SLC13A1: variants seen among roughly 807,000 people sequenced by gnomAD.
SLC13A1 encodes the protein Na(+)/sulfate cotransporter.
A neutral mutation model predicts 70.0 loss-of-function variants in SLC13A1; 65 were observed. The ratio of observed to expected loss-of-function variants is 0.93; its 90% confidence interval spans 0.76 to 1.14. The LOEUF (loss-of-function observed/expected upper bound fraction) is 1.14, where lower values mean the gene tolerates loss of function less well. Ranked by LOEUF, SLC13A1 falls within the 50% of genes most tolerant of loss-of-function variation. The pLI, the probability that SLC13A1 is intolerant of heterozygous loss-of-function variation, is 0.00. For synonymous variants in SLC13A1, 275 were observed against 250.5 expected, an observed-to-expected ratio of 1.10 and a Z score of -0.92; for missense variants, 726 against 717.8, an observed-to-expected ratio of 1.01 and a Z score of -0.13.
chr7:123,128,810 A>T, intron 10 of SLC13A1, 35 bp downstream of exon 10: 1 of 1,387,968 alleles, frequency 7.2e-7, no homozygotes, highest in Non-Finnish European at 1.0e-6. Context: ...AGTATAAAAC[A>T]GGAAGGGCTG....
intron 1 of SLC13A1, among the ~76,000 whole-genome samples, chr7:123,197,839 T>C (rs1796233451): frequency 1.3e-5 from 2 of 152,184 alleles, no homozygotes; most frequent in South Asian, 4.1e-4. Flanking sequence ...ATGAATCATG[T>C]ACTAAAATGA....
At chr7:123,182,633 A>G (rs1563352943) in intron 1 of SLC13A1, among the ~76,000 whole-genome samples, 2 of 152,134 alleles carry the variant, frequency 1.3e-5, no homozygotes, top group Non-Finnish European at 2.9e-5. Context: ...AACATCAAAA[A>G]ATAAATAGAA....
At chr7:123,185,856 T>C (rs1795780264) in intron 1 of SLC13A1, among the ~76,000 whole-genome samples, 1 of 152,098 alleles carries the variant, frequency 6.6e-6, no homozygotes, top group Admixed American at 6.6e-5. Flanking sequence ...GACAGTGTTA[T>C]TGTAGAGTTT....
At chr7:123,120,379 A>G (rs1216640876) in intron 12 of SLC13A1, among the ~76,000 whole-genome samples, 1 of 152,030 alleles carries the variant, frequency 6.6e-6, no homozygotes, top group East Asian at 1.9e-4. Flanking sequence ...TTATAACTCC[A>G]CACTTCTAAG....
chr7:123,134,517 G>T lies in SLC13A1; in HGVS notation c.825C>A (p.Asp275Glu). 6.2e-7 allele frequency: 1 copy of T among 1,613,380 alleles called. No individual in the cohort carries two copies. The highest frequency in any genetic ancestry group is 8.5e-7 in the Non-Finnish European group (1 of 1,179,516). The part of the protein sequence containing the change: ...FAEYFNTRYP[D>E]CRCLNFGSWF... ...ATGATCCAAAGTTGAGGCAACGACAGTCAGGATAGCGTCTGTGTGAAAACA... is the reference window on the plus strand; with the variant it reads ...ATGATCCAAAGTTGAGGCAACGACATTCAGGATAGCGTCTGTGTGAAAACA... The change falls in exon 8 of 15, where the codon GAC becomes GAA. Residue 275 changes from aspartate (D) to glutamate (E), a missense_variant. Physicochemically the swap from Asp to Glu is conservative, Grantham distance 45. Transcript: ENST00000194130.
At chr7:123,168,353 G>C in intron 6 of SLC13A1, 21 bp downstream of exon 6, 1 of 1,488,360 alleles carries the variant, frequency 6.7e-7, no homozygotes, top group Non-Finnish European at 9.3e-7. Context: ...TAATTATTTA[G>C]AAAGAATCAA....
rs553579161 is a variant in SLC13A1, at chr7:123,190,701, G to A, written c.99+9147C>T. The A allele has an allele frequency of 3.5e-5, 16 of 455,850 alleles. No individual in the cohort carries two copies. The East Asian group carries it at 9.7e-4, about 28-fold the overall frequency. The allele number at this position is 455,850 out of a possible 1,614,324, so 28.2% of individuals were successfully genotyped here. ...GAAGCTGTTGAGAATAAGCTGTTGAGCATTAGAGTGTCTAAGACTCATCTT... is the reference window on the plus strand; with the variant it reads ...GAAGCTGTTGAGAATAAGCTGTTGAACATTAGAGTGTCTAAGACTCATCTT... On this transcript the variant is annotated intron_variant, in intron 1 of 14. Coordinates refer to ENST00000194130, the MANE Select transcript of SLC13A1 (RefSeq NM_022444.4).
Position 123,129,559 on chromosome 7 carries a change from C to T in SLC13A1, c.933-78G>A, listed in dbSNP as rs147819535. On this transcript the variant is annotated intron_variant, in intron 8 of 14. Coordinates refer to ENST00000194130, the MANE Select transcript of SLC13A1 (RefSeq NM_022444.4). The stretch of plus-strand genomic sequence containing the variant: ...CTGTAAGGAAGATATTTTTGTAAAA[C>T]GTTGTCATCTTCACGCAATATGAAT... The T allele has an allele frequency of 3.8e-4, 406 of 1,065,496 alleles. 4 individuals are homozygous for T. The African/African-American group carries it at 4.4e-3, about 12-fold the overall frequency. 66.0% of individuals were successfully genotyped at this position (1,065,496 alleles called of 1,614,324 possible). A position where few individuals can be genotyped will look rare whatever the true frequency, so the allele number is the denominator to read the frequency against.
intron 6 of SLC13A1, among the ~76,000 whole-genome samples, chr7:123,160,834 T>C (rs1322938926): frequency 6.6e-6 from 1 of 152,000 alleles, no homozygotes; most frequent in Non-Finnish European, 1.5e-5. Flanking sequence ...TAAGCATCTT[T>C]TGAGTGAAAA....
chr7:123,187,366 T>C (rs1795838251), intron 1 of SLC13A1, among the ~76,000 whole-genome samples: 1 of 152,214 alleles, frequency 6.6e-6, no homozygotes, highest in Non-Finnish European at 1.5e-5. Flanking sequence ...ATTTTCAAAA[T>C]TATAAAATAT....
intron 14 of SLC13A1, 152 bp from the exon 15 acceptor site, chr7:123,115,807 T>A: frequency 1.3e-6 from 1 of 768,862 alleles, no homozygotes; most frequent in South Asian, 1.9e-5. Flanking sequence ...AGTTCTAGGG[T>A]ACATGTGCAC....
At chr7:123,116,811 A>G (rs1180398996) in intron 14 of SLC13A1, among the ~76,000 whole-genome samples, 3 of 152,132 alleles carry the variant, frequency 2.0e-5, no homozygotes, top group Non-Finnish European at 2.9e-5. Flanking sequence ...CTTTGGCTAT[A>G]TTATCATTTG....
intron 6 of SLC13A1, among the ~76,000 whole-genome samples, chr7:123,158,229 T>C (rs1239840775): frequency 6.6e-6 from 1 of 151,976 alleles, no homozygotes; most frequent in Non-Finnish European, 1.5e-5. Context: ...ACACAAAATA[T>C]AATTACATTT....
At chr7:123,139,405 T>C (rs1398959872) in intron 7 of SLC13A1, among the ~76,000 whole-genome samples, 3 of 152,140 alleles carry the variant, frequency 2.0e-5, no homozygotes, top group Non-Finnish European at 4.4e-5. Flanking sequence ...CTGGTTCTTT[T>C]GTTGTTCCAT....
At chr7:123,126,241 C>A (rs974899222) in intron 10 of SLC13A1, among the ~76,000 whole-genome samples, 3 of 152,132 alleles carry the variant, frequency 2.0e-5, no homozygotes, top group Non-Finnish European at 4.4e-5. Flanking sequence ...GGAAAGCAAC[C>A]TACTTAATTT....
chr7:123,149,443 C>T (rs1794477867), intron 6 of SLC13A1: 1 of 456,202 alleles, frequency 2.2e-6, no homozygotes, highest in Non-Finnish European at 4.4e-6. Context: ...GTCTATCTCA[C>T]CTTGTTAAGT....
At chr7:123,145,818 A>G (rs1794330593) in intron 7 of SLC13A1, among the ~76,000 whole-genome samples, 1 of 152,204 alleles carries the variant, frequency 6.6e-6, no homozygotes, top group African/African-American at 2.4e-5. Context: ...CATTCTTTCT[A>G]GAATGGAGAT....
Position 123,163,363 on chromosome 7 carries a change from G to A in SLC13A1, c.660+5011C>T, listed in dbSNP as rs1231765027. Among the ~76,000 whole-genome samples the A allele has an allele frequency of 2.0e-5, 3 of 152,060 alleles. No homozygotes were observed. In the East Asian group the frequency reaches 5.8e-4, roughly 29 times the overall value. The stretch of plus-strand genomic sequence containing the variant: ...CCACTTTATTTTGGGCAAGTAGAGA[G>A]CTCAGTTAGTATTTGGGCCATGGCC... On this transcript the variant is annotated intron_variant, in intron 6 of 14. Coordinates refer to ENST00000194130, the MANE Select transcript of SLC13A1 (RefSeq NM_022444.4).
intron 2 of SLC13A1, among the ~76,000 whole-genome samples, chr7:123,175,321 C>T (rs946289845): frequency 1.3e-5 from 2 of 152,076 alleles, no homozygotes; most frequent in South Asian, 2.1e-4. Context: ...AGTCTTCTTA[C>T]AGGAGCTGAT....
Sources: gnomAD v4.1 joint callset for allele counts (sites outside exome capture counted in the v4.1 genomes callset) on GRCh38, gnomAD v4.1.1 for gene constraint, MANE v1.5 for transcripts, NCBI Gene and HGNC (gene_info 2026-07-23, HGNC 2026-07-21) for gene names.